Variants in PLCB3 observed in about 807,000 individuals in gnomAD.
The protein encoded by PLCB3 is 1-phosphatidylinositol 4,5-bisphosphate phosphodiesterase beta-3.
PLCB3 carries 54 observed loss-of-function variants against 152.1 expected under a neutral mutation model. The ratio of observed to expected loss-of-function variants is 0.36; its 90% CI spans 0.29 to 0.45. The LOEUF (loss-of-function observed/expected upper bound fraction) is 0.45. Ranked by LOEUF, PLCB3 falls within the 20% of genes least tolerant of loss-of-function variation. PLCB3 has a pLI of 1.00. For synonymous variants in PLCB3, 717 were observed against 698.7 expected, an observed-to-expected ratio of 1.03 and a Z score of -0.41; for missense variants, 1,248 against 1,687.5, an observed-to-expected ratio of 0.74 and a Z score of 4.56.
At chr11:64,263,628 G>A in intron 20 of PLCB3, 31 bp downstream of exon 20, 1 of 1,604,700 alleles carries the variant, frequency 6.2e-7, no homozygotes, top group Non-Finnish European at 8.5e-7. Flanking sequence ...GGGCAGCACA[G>A]CGGGCAGTGG....
Position 64,259,046 on chromosome 11 carries a change from A to G in PLCB3, c.1339-12A>G. On this transcript the variant is annotated splice_polypyrimidine_tract_variant and intron_variant, in intron 12 of 30. Coordinates refer to ENST00000279230, the MANE Select transcript of PLCB3 (RefSeq NM_000932.5). ...CCCGGTCCAGGGCCCTGACTCGTCCATGCCTGCCCAGCTGGCCCCAGGCGT... is the reference window on the plus strand; with the variant it reads ...CCCGGTCCAGGGCCCTGACTCGTCCGTGCCTGCCCAGCTGGCCCCAGGCGT... 1.2e-6 allele frequency: 2 copies of G among 1,611,664 alleles called. No homozygotes were observed. The highest frequency in any genetic ancestry group is 1.7e-6 in the Non-Finnish European group (2 of 1,178,778).
At chr11:64,259,923 G>A in intron 13 of PLCB3, 106 bp from the exon 14 acceptor site, 1 of 909,674 alleles carries the variant, frequency 1.1e-6, no homozygotes, top group Non-Finnish European at 1.7e-6. Flanking sequence ...AGTACCCCTT[G>A]AATTCCCCAC....
rs757733117 is a variant in PLCB3 at position 64,264,968 on chromosome 11, G to A, written c.2670G>A (p.Glu890=). ...CCCTATAGGCTCAGGCTGGCCAAGA[G>A]ACGTGCCAGGACACCCAGTCTCAGC... ...IGESEAQAGQ[E]TCQDTQSQQL... is the part of the protein sequence containing the mutation. Residue 890 remains glutamate, a synonymous_variant, in exon 23 of 31, where the codon GAG becomes GAA. Coordinates refer to ENST00000279230, the MANE Select transcript of PLCB3 (RefSeq NM_000932.5). 35 of 1,613,026 alleles carry A rather than the reference G, an allele frequency of 2.2e-5. No homozygotes were observed. The African/African-American group carries it at 3.9e-4, about 18-fold the overall frequency.
intron 22 of PLCB3, among the ~76,000 whole-genome samples, chr11:64,264,716 A>C (rs779744387): frequency 6.6e-6 from 1 of 152,174 alleles, no homozygotes; most frequent in Non-Finnish European, 1.5e-5. Context: ...TACTGAGCAC[A>C]TGCAGTGGGC....
At chr11:64,252,622 G>A (rs911537002) in intron 1 of PLCB3, among the ~76,000 whole-genome samples, 4 of 152,220 alleles carry the variant, frequency 2.6e-5, no homozygotes, top group African/African-American at 9.6e-5. Flanking sequence ...CCCGGGGTAG[G>A]CGTGGGAGCT....
At chr11:64,262,906 G>T in intron 19 of PLCB3, 98 bp downstream of exon 19, 2 of 1,292,852 alleles carry the variant, frequency 1.5e-6, no homozygotes, top group Non-Finnish European at 2.2e-6. Context: ...CACCGTTGGC[G>T]ACTGGGGATC....
At chr11:64,251,920 T>TC (rs2031227313) in intron 1 of PLCB3, among the ~76,000 whole-genome samples, 172 bp downstream of exon 1, 1 of 151,454 alleles carries the variant, frequency 6.6e-6, no homozygotes, top group African/African-American at 2.4e-5. Context: ...GAAGACTTTG[T>TC]CCCCCCAACT....
rs551386366 is a variant in PLCB3 at position 64,267,414 on chromosome 11, G to A, written c.3563G>A (p.Arg1188His). Reference sequence around the variant, plus strand: ...CGGGCGAGGCTCCCCCAGGAGATCCGCCGGAGCCTGCTGGGCGAGATGCCG... The same window carrying A: ...CGGGCGAGGCTCCCCCAGGAGATCCACCGGAGCCTGCTGGGCGAGATGCCG... ...EQRARLPQEI[R>H]RSLLGEMPEG... Residue 1188 changes from arginine to histidine, a missense_variant, in exon 31 of 31, where the codon CGC becomes CAC. Arg to His is a conservative substitution (Grantham distance 29). This residue lies in a region of PLCB3 where 477 missense variants were observed against 489.6 expected (regional missense o/e 0.97). Transcript: ENST00000279230. The surrounding 1 kb of genome is among the most constrained non-coding windows in gnomAD (Gnocchi z 5.2). The A allele has an allele frequency of 1.2e-5, 19 of 1,540,848 alleles. No individual in the cohort carries two copies. The highest frequency in any genetic ancestry group is 4.1e-5 in the African/African-American group (3 of 73,238).
At chr11:64,261,354 A>C in intron 14 of PLCB3, 46 bp from the exon 15 acceptor site, 2 of 1,407,258 alleles carry the variant, frequency 1.4e-6, no homozygotes, top group Non-Finnish European at 2.0e-6. Flanking sequence ...GGGAATGGCC[A>C]GCTGTGGCGG....
rs2031203370 is a variant in PLCB3, at chr11:64,251,620, G to T, written c.-30G>T. The T allele has an allele frequency of 1.5e-6, 2 of 1,299,334 alleles. No individual in the cohort carries two copies. The highest frequency in any genetic ancestry group is 2.0e-6 in the Non-Finnish European group (2 of 986,484). 80.5% of individuals were successfully genotyped at this position (1,299,334 alleles called of 1,614,324 possible). ...CGCCGTCGGTCCCCGTCAGGGCTCC[G>T]TGGGTCCCCGACCCGCCCCTGGCCG... On this transcript the variant is annotated 5_prime_UTR_variant, in exon 1 of 31. Coordinates refer to ENST00000279230, the MANE Select transcript of PLCB3 (RefSeq NM_000932.5).
At chr11:64,256,861 C>A in intron 10 of PLCB3, 97 bp downstream of exon 10, 1 of 1,349,472 alleles carries the variant, frequency 7.4e-7, no homozygotes, top group Non-Finnish European at 1.0e-6. Context: ...CCCATTTGCT[C>A]ATTCATTGGC....
rs938289271 is a variant in PLCB3 at position 64,254,587 on chromosome 11, C to T, written c.177+95C>T. 5 of 1,379,784 alleles carry T rather than the reference C, an allele frequency of 3.6e-6. No homozygotes were observed. In the African/African-American group the frequency reaches 5.7e-5, roughly 16 times the overall value. 85.5% of individuals were successfully genotyped at this position (1,379,784 alleles called of 1,614,324 possible). ...GGGGTGGGGCCCGGCTGCAGGCTGA[C>T]CTCTCCCACTGCTGCCCAGACAGGA... On this transcript the variant is annotated intron_variant, in intron 2 of 30. Transcript: ENST00000279230.
At position 64,258,808 on chromosome 11, in the gene PLCB3, C is replaced by A; in HGVS notation, c.1254-77C>A. 3 of 1,601,370 alleles carry A rather than the reference C, an allele frequency of 1.9e-6. No homozygotes were observed. Among genetic ancestry groups the A allele is most frequent in the African/African-American group, 2.7e-5 (2 of 74,814 alleles). On this transcript the variant is annotated intron_variant, in intron 11 of 30. Transcript: ENST00000279230. This position sits in a 1 kb window ranked among gnomAD's most constrained non-coding sequence, Gnocchi z 7.2. The stretch of plus-strand genomic sequence containing the variant: ...GCTCAGGGACCTCCAACCCTGCGAA[C>A]GGCCACTGACATGTCCCGTAGACCT...
At position 64,258,834 on chromosome 11, in the gene PLCB3, C is replaced by T; in HGVS notation, c.1254-51C>T. On this transcript the variant is annotated intron_variant, in intron 11 of 30. Transcript: ENST00000279230. The surrounding 1 kb of genome is among the most constrained non-coding windows in gnomAD (Gnocchi z 7.2). ...GGCCACTGACATGTCCCGTAGACCT[C>T]AGCTTCCTCTCTGGGGGAGGGATCT... The T allele has an allele frequency of 6.2e-7, 1 of 1,609,484 alleles. No homozygotes were observed. The highest frequency in any genetic ancestry group is 1.7e-4 in the Middle Eastern group (1 of 6,050).
downstream of PLCB3, among the ~76,000 whole-genome samples, chr11:64,268,217 C>T (rs1177778563): frequency 1.3e-5 from 2 of 152,214 alleles, no homozygotes; most frequent in Non-Finnish European, 2.9e-5. Flanking sequence ...GCCTTCCCTG[C>T]CCCGCTTCCT....
Position 64,263,785 on chromosome 11 carries a change from C to T in PLCB3, c.2550C>T (p.Asp850=), listed in dbSNP as rs559029228. ...IYTEASDYIP[D]DHQDYAEALI... is the part of the protein sequence containing the mutation. Reference sequence around the variant, plus strand: ...CCGAAGCCTCGGACTACATTCCTGACGACCACCAGGGTGAGCTGGGGGTGG... The same window carrying T: ...CCGAAGCCTCGGACTACATTCCTGATGACCACCAGGGTGAGCTGGGGGTGG... The change falls in exon 21 of 31, where the codon GAC becomes GAT. Residue 850 remains aspartate, a synonymous_variant. Transcript: ENST00000279230. 18 of 1,612,368 alleles carry T rather than the reference C, an allele frequency of 1.1e-5. No homozygotes were observed. Among genetic ancestry groups the T allele is most frequent in the East Asian group, 6.7e-5 (3 of 44,892 alleles).
intron 17 of PLCB3, 116 bp from the exon 18 acceptor site, chr11:64,262,291 G>T: frequency 7.2e-7 from 1 of 1,382,608 alleles, no homozygotes; most frequent in South Asian, 1.3e-5. Context: ...GATGCCATTT[G>T]AGCCCGCCCC....
At chr11:64,268,098 G>A (rs1214901037), downstream of PLCB3, among the ~76,000 whole-genome samples, 2 of 152,072 alleles carry the variant, frequency 1.3e-5, no homozygotes, top group African/African-American at 2.4e-5. Context: ...TTCTGCTTGT[G>A]CCCTCTGCCC....
At position 64,266,531 on chromosome 11, in the gene PLCB3, G is replaced by A; in HGVS notation, c.3393G>A (p.Glu1131=). 6.2e-7 allele frequency: 1 copy of A among 1,613,944 alleles called. No homozygotes were observed. The highest frequency in any genetic ancestry group is 8.5e-7 in the Non-Finnish European group (1 of 1,179,988). Residue 1131 remains glutamate, a synonymous_variant, in exon 29 of 31, where the codon GAG becomes GAA. Transcript: ENST00000279230. The surrounding 1 kb of genome is among the most constrained non-coding windows in gnomAD (Gnocchi z 4.9). ...LTEINRRHIT[E]SVNSIRRLEE... is the part of the protein sequence containing the mutation. Reference sequence around the variant, plus strand: ...AGATTAACCGTCGGCACATCACTGAGTCAGTCAACTCCATCCGTCGGGTGA... The same window carrying A: ...AGATTAACCGTCGGCACATCACTGAATCAGTCAACTCCATCCGTCGGGTGA...
Sources: allele counts gnomAD v4.1 joint callset (sites outside exome capture counted in the v4.1 genomes callset), GRCh38; gene constraint gnomAD v4.1.1; regional missense constraint gnomAD v4.1.1; non-coding constraint Gnocchi (gnomAD v3.1); transcripts MANE v1.5; gene names NCBI Gene and HGNC (gene_info 2026-07-23, HGNC 2026-07-21).